Variants in C2CD3 observed in about 807,000 individuals in gnomAD.
C2CD3 encodes the protein C2 domain-containing protein 3.
In C2CD3, 148 loss-of-function variants were observed where a neutral mutation model predicts 234.0. That is an observed-to-expected ratio of 0.63 (90% CI 0.55 to 0.72). The LOEUF (loss-of-function observed/expected upper bound fraction) is 0.72. Among genes scored for constraint, C2CD3 ranks in the 30% least tolerant of loss-of-function variants. The pLI, the probability that C2CD3 is intolerant of heterozygous loss-of-function variation, is 0.00. For missense variants in C2CD3, 2,577 were observed against 2,811.5 expected (o/e 0.92, Z 1.89); for synonymous variants, 1,000 against 1,035.4 (o/e 0.97, Z 0.66).
intron 32 of C2CD3, 105 bp from the exon 33 acceptor site, chr11:74,013,630 AGCTG>A: frequency 1.5e-6 from 1 of 681,546 alleles, no homozygotes; most frequent in Non-Finnish European, 2.1e-6. Flanking sequence ...ATTTATGTAG[AGCTG>A]CCTGGTTTAC....
chr11:74,051,309 A>AG (rs1953674340), intron 26 of C2CD3, among the ~76,000 whole-genome samples: 1 of 152,012 alleles, frequency 6.6e-6, no homozygotes. Context: ...AAGAAAAAAA[A>AG]AAAAAGATCC....
Position 74,078,674 on chromosome 11 carries a change from G to T in C2CD3, c.4044C>A (p.Gly1348=), listed in dbSNP as rs267603186. ...WYPIILPEDG[G]LPHGLELMQK... ...GCATGAGCTCCAGGCCATGAGGTAGGCCCCCGTCTTCTGGTAAAATGATAG... is the reference window on the plus strand; with the variant it reads ...GCATGAGCTCCAGGCCATGAGGTAGTCCCCCGTCTTCTGGTAAAATGATAG... The change falls in exon 23 of 33, where the codon GGC becomes GGA. Residue 1348 remains glycine, a synonymous_variant. Transcript: ENST00000334126. 1.2e-6 allele frequency: 2 copies of T among 1,611,886 alleles called. No homozygotes were observed. Among genetic ancestry groups the T allele is most frequent in the Non-Finnish European group, 1.7e-6 (2 of 1,179,112 alleles).
At chr11:74,062,928 TA>T (rs1489050132) in intron 24 of C2CD3, among the ~76,000 whole-genome samples, 2 of 151,332 alleles carry the variant, frequency 1.3e-5, no homozygotes, top group African/African-American at 4.9e-5. Context: ...ATAGACACAA[TA>T]AAAAATGATA....
Position 74,057,482 on chromosome 11 carries a change from C to T in C2CD3, c.5014G>A (p.Asp1672Asn), listed in dbSNP as rs139653763. Residue 1672 changes from aspartate to asparagine, a missense_variant, in exon 25 of 33, where the codon GAT becomes AAT. Physicochemically the swap from Asp to Asn is conservative, Grantham distance 23. Transcript: ENST00000334126. ...TGGGTGTATACAGGAGATGACTCAT[C>T]GGCTGTTGCAAAGGATACACAACAA... ...PSCCVSFATADESSPVYTQVV... is the reference protein window; with the variant it reads ...PSCCVSFATANESSPVYTQVV... 1.2e-4 allele frequency: 186 copies of T among 1,614,006 alleles called. 1 individual carries two copies. Among genetic ancestry groups the T allele is most frequent in the South Asian group, 4.2e-4 (38 of 91,084 alleles).
At chr11:74,165,349 TCTC>T (rs962013422) in intron 2 of C2CD3, among the ~76,000 whole-genome samples, 10 of 152,140 alleles carry the variant, frequency 6.6e-5, no homozygotes, top group African/African-American at 2.4e-4. Context: ...AATAGTGACT[TCTC>T]CTTTTTTGAC....
chr11:74,158,265 A>G (rs960562409), intron 3 of C2CD3, among the ~76,000 whole-genome samples: 1 of 152,256 alleles, frequency 6.6e-6, no homozygotes, highest in African/African-American at 2.4e-5. Context: ...GTGGGAGAAA[A>G]TATTTGCAAA....
intron 31 of C2CD3, among the ~76,000 whole-genome samples, chr11:74,029,138 A>G (rs1305284244): frequency 6.6e-6 from 1 of 152,230 alleles, no homozygotes; most frequent in Non-Finnish European, 1.5e-5. Context: ...TGAGGTGCTC[A>G]GTGCTGTGTT....
chr11:74,129,881 G>C lies in C2CD3; in HGVS notation c.1217+2963C>G, dbSNP rs996289684. ...CGCGGTTAGGAGCTGCAGACCAGCC[G>C]GCCAACACAGAGAAACCCCATCTCC... On this transcript the variant is annotated intron_variant, in intron 7 of 32. Transcript: ENST00000334126. 1.4e-3 allele frequency: 194 copies of C among 140,166 alleles called. 1 individual carries two copies. Among genetic ancestry groups the C allele is most frequent in the Non-Finnish European group, 2.5e-3 (164 of 65,878 alleles). The allele number at this position is 140,166 out of a possible 1,614,324, so 8.7% of individuals were successfully genotyped here. A position where few individuals can be genotyped will look rare whatever the true frequency, so the allele number is the denominator to read the frequency against.
At chr11:74,093,260 T>C (rs1306191522) in intron 18 of C2CD3, among the ~76,000 whole-genome samples, 2 of 151,378 alleles carry the variant, frequency 1.3e-5, no homozygotes, top group East Asian at 3.9e-4. Context: ...ATGCCAGTAT[T>C]TTCCTGGAAA....
In C2CD3 at chr11:74,042,190, G is replaced by A. The variant is rs754362389; in HGVS notation, c.5524C>T (p.Arg1842Cys). 19 of 1,610,554 alleles carry A rather than the reference G, an allele frequency of 1.2e-5. No homozygotes were observed. Among genetic ancestry groups the A allele is most frequent in the Middle Eastern group, 1.6e-4 (1 of 6,064 alleles). ...RSDTTRSQASRHEEHVQNIRR... is the reference protein window; with the variant it reads ...RSDTTRSQASCHEEHVQNIRR... ...ATGTTCTGCACATGCTCTTCATGGCGTGATGCTTGGCTTCTTGTGGTATCA... is the reference window on the plus strand; with the variant it reads ...ATGTTCTGCACATGCTCTTCATGGCATGATGCTTGGCTTCTTGTGGTATCA... Residue 1842 changes from arginine (R) to cysteine (C), a missense_variant, in exon 29 of 33, where the codon CGC becomes TGC. Coordinates refer to ENST00000334126, the MANE Select transcript of C2CD3 (RefSeq NM_001286577.2).
chr11:74,134,369 G>A (rs1045892775), intron 5 of C2CD3, among the ~76,000 whole-genome samples: 1 of 152,176 alleles, frequency 6.6e-6, no homozygotes, highest in Admixed American at 6.5e-5. Flanking sequence ...ATGGCAGCAT[G>A]TGCCCATGGT....
At chr11:74,130,895 T>C (rs991584906) in intron 7 of C2CD3, among the ~76,000 whole-genome samples, 10 of 152,188 alleles carry the variant, frequency 6.6e-5, no homozygotes, top group East Asian at 1.9e-4. Context: ...GATTCTGATA[T>C]TGTGTTGAAA....
At chr11:74,062,269 C>A (rs574574718) in intron 24 of C2CD3, among the ~76,000 whole-genome samples, 28 of 152,238 alleles carry the variant, frequency 1.8e-4, no homozygotes, top group African/African-American at 6.5e-4. Context: ...CTGCACCAAG[C>A]GGACCTAATA....
At chr11:74,117,483 T>G (rs552757046) in intron 9 of C2CD3, among the ~76,000 whole-genome samples, 1 of 148,584 alleles carries the variant, frequency 6.7e-6, no homozygotes, top group Non-Finnish European at 1.5e-5. Flanking sequence ...GTGAAGTAAC[T>G]CAGGAACAGA....
At chr11:74,042,512 G>T (rs958446598) in intron 28 of C2CD3, among the ~76,000 whole-genome samples, 12 of 152,196 alleles carry the variant, frequency 7.9e-5, no homozygotes, top group Middle Eastern at 3.4e-3. Flanking sequence ...CAGCACTTTG[G>T]GGGGCTGAGG....
intron 3 of C2CD3, among the ~76,000 whole-genome samples, chr11:74,154,166 T>C (rs1041301028): frequency 6.6e-6 from 1 of 152,118 alleles, no homozygotes; most frequent in African/African-American, 2.4e-5. Context: ...GGGGAAGATT[T>C]CTTAGGTAGG....
intron 7 of C2CD3, among the ~76,000 whole-genome samples, chr11:74,125,619 A>G (rs1957388779): frequency 6.6e-6 from 1 of 152,146 alleles, no homozygotes; most frequent in South Asian, 2.1e-4. Context: ...CTATTTAGTT[A>G]TATTACAAAT....
intron 3 of C2CD3, among the ~76,000 whole-genome samples, chr11:74,153,019 A>C (rs1033404972): frequency 3.9e-5 from 6 of 152,194 alleles, no homozygotes; most frequent in Admixed American, 3.9e-4. Flanking sequence ...TGAGGCCAGG[A>C]GTTTGAGACC....
At chr11:74,106,818 T>C (rs1956539527) in intron 12 of C2CD3, among the ~76,000 whole-genome samples, 1 of 152,216 alleles carries the variant, frequency 6.6e-6, no homozygotes, top group East Asian at 1.9e-4. Context: ...ATGTCACAAA[T>C]TTTTGCTATT....
Sources: gnomAD v4.1 joint callset for allele counts (sites outside exome capture counted in the v4.1 genomes callset) on GRCh38, gnomAD v4.1.1 for gene constraint, MANE v1.5 for transcripts, NCBI Gene and HGNC (gene_info 2026-07-23, HGNC 2026-07-21) for gene names.